The following SNX24 variants were observed in gnomAD, a reference collection of about 807,000 sequenced individuals.
The protein encoded by SNX24 is sorting nexin-24.
Under a neutral mutation model 28.7 loss-of-function variants are expected in SNX24, and 22 were observed. The observed-to-expected ratio is 0.77, with a 90% CI of 0.55 to 1.10. SNX24 has a LOEUF of 1.10. Among genes scored for constraint, SNX24 ranks in the 50% least tolerant of loss-of-function variants. SNX24 has a pLI of 0.00. For missense variants in SNX24, 221 were observed against 201.1 expected, an observed-to-expected ratio of 1.10 and a Z score of -0.60; for synonymous variants, 69 against 71.5, an observed-to-expected ratio of 0.96 and a Z score of 0.18.
intron 1 of SNX24, among the ~76,000 whole-genome samples, chr5:122,926,802 C>A: frequency 6.6e-6 from 1 of 152,164 alleles, no homozygotes; most frequent in South Asian, 2.1e-4. Flanking sequence ...GTGTGCTCAT[C>A]AGGCCTCATC....
chr5:122,961,596 G>A (rs887752706), intron 3 of SNX24, among the ~76,000 whole-genome samples: 40 of 152,112 alleles, frequency 2.6e-4, no homozygotes, highest in Admixed American at 8.5e-4. Context: ...TCAATGTAAC[G>A]GGGGCAGATT....
At chr5:122,985,783 C>T (rs1034541877) in intron 3 of SNX24, among the ~76,000 whole-genome samples, 6 of 152,162 alleles carry the variant, frequency 3.9e-5, no homozygotes, top group African/African-American at 1.2e-4. Context: ...TTATACTAAG[C>T]CAAAGTTCGC....
At chr5:122,978,612 T>G (rs1761263216) in intron 3 of SNX24, among the ~76,000 whole-genome samples, 1 of 152,218 alleles carries the variant, frequency 6.6e-6, no homozygotes, top group Admixed American at 6.5e-5. Context: ...TACAGTAGCA[T>G]CTGTGAGATG....
intron 4 of SNX24, among the ~76,000 whole-genome samples, 180 bp from the exon 5 acceptor site, chr5:123,001,225 C>T (rs1478726111): frequency 6.6e-6 from 1 of 152,228 alleles, no homozygotes; most frequent in African/African-American, 2.4e-5. Flanking sequence ...ATATTCCAGT[C>T]TTCAGATTCC....
intron 6 of SNX24, among the ~76,000 whole-genome samples, chr5:123,005,398 C>G (rs1309772664): frequency 6.6e-6 from 1 of 152,172 alleles, no homozygotes; most frequent in Admixed American, 6.5e-5. Context: ...CAAATGGCAC[C>G]ATCACTCAAA....
intron 5 of SNX24, chr5:123,023,719 C>T (rs41471149): frequency 0.021 from 25,258 of 1,181,066 alleles, 342 homozygotes; most frequent in South Asian, 0.025. Context: ...TAAAGGGTGA[C>T]GGTTTGATTT....
chr5:122,876,580 G>T (rs1412404601), intron 1 of SNX24, among the ~76,000 whole-genome samples: 1 of 152,178 alleles, frequency 6.6e-6, no homozygotes, highest in African/African-American at 2.4e-5. Flanking sequence ...GAAGTGTTTT[G>T]AGTGTCTGCT....
At chr5:122,980,385 C>T (rs925329684) in intron 3 of SNX24, among the ~76,000 whole-genome samples, 3 of 152,088 alleles carry the variant, frequency 2.0e-5, no homozygotes, top group Non-Finnish European at 4.4e-5. Context: ...TGCTATTTTT[C>T]TTGTTTGTGG....
chr5:122,937,151 C>T (rs1186240667), intron 2 of SNX24, among the ~76,000 whole-genome samples: 1 of 152,174 alleles, frequency 6.6e-6, no homozygotes, highest in Admixed American at 6.5e-5. Flanking sequence ...TCCTTACAGA[C>T]AGGGGAGAAA....
At position 123,007,785 on chromosome 5, in the gene SNX24, T is replaced by G; in HGVS notation, c.*36T>G. Reference sequence around the variant, plus strand: ...TGGCTAAAAGAAGCAGAAGCAAGTTTCGAAGTCACAGTCAAGGAAATCAAT... The same window carrying G: ...TGGCTAAAAGAAGCAGAAGCAAGTTGCGAAGTCACAGTCAAGGAAATCAAT... On this transcript the variant is annotated 3_prime_UTR_variant, in exon 7 of 7. Transcript: ENST00000261369. 6.3e-7 allele frequency: 1 copy of G among 1,581,996 alleles called. No homozygotes were observed.
intron 1 of SNX24, among the ~76,000 whole-genome samples, chr5:122,861,944 CAGGT>C (rs1368749665): frequency 3.3e-5 from 5 of 152,138 alleles, no homozygotes; most frequent in African/African-American, 9.7e-5. Flanking sequence ...GTTACATAGA[CAGGT>C]AGAGCAAAAA....
chr5:122,968,003 A>G (rs1050827009), intron 3 of SNX24, among the ~76,000 whole-genome samples: 2 of 152,232 alleles, frequency 1.3e-5, no homozygotes, highest in African/African-American at 4.8e-5. Context: ...CTTGGAGAGA[A>G]TAATTTGAAC....
intron 3 of SNX24, among the ~76,000 whole-genome samples, chr5:122,956,527 T>G (rs1760225373): frequency 6.6e-6 from 1 of 152,184 alleles, no homozygotes; most frequent in African/African-American, 2.4e-5. Flanking sequence ...TTAGAGATCC[T>G]GCTTTTGATT....
At chr5:122,939,699 G>GGC (rs1205040498) in intron 2 of SNX24, among the ~76,000 whole-genome samples, 1 of 151,910 alleles carries the variant, frequency 6.6e-6, no homozygotes, top group Non-Finnish European at 1.5e-5. Flanking sequence ...ATTATCTAAG[G>GGC]GCAAATTGCT....
At chr5:122,857,507 G>A (rs978421611) in intron 1 of SNX24, among the ~76,000 whole-genome samples, 10 of 151,582 alleles carry the variant, frequency 6.6e-5, no homozygotes, top group Admixed American at 2.0e-4. Flanking sequence ...CTCATCATCC[G>A]GGTACTAAAC....
intron 2 of SNX24, among the ~76,000 whole-genome samples, chr5:122,942,688 G>C (rs1185244010): frequency 6.6e-6 from 1 of 152,206 alleles, no homozygotes; most frequent in East Asian, 1.9e-4. Flanking sequence ...ACTTATCTGC[G>C]TGGATCAGAC....
intron 1 of SNX24, among the ~76,000 whole-genome samples, chr5:122,899,131 C>G (rs906738316): frequency 6.6e-6 from 1 of 152,204 alleles, no homozygotes; most frequent in African/African-American, 2.4e-5. Flanking sequence ...TGTGCCCCAC[C>G]TGAAGAACAC....
chr5:122,890,200 C>T (rs1267488067), intron 1 of SNX24, among the ~76,000 whole-genome samples: 2 of 151,982 alleles, frequency 1.3e-5, no homozygotes, highest in Non-Finnish European at 2.9e-5. Context: ...TGTCTGCCCC[C>T]GACTAATAAT....
chr5:123,019,289 GA>G (rs76674069), intron 5 of SNX24, among the ~76,000 whole-genome samples: 1,544 of 128,052 alleles, frequency 0.012, 21 homozygotes, highest in African/African-American at 0.036. Flanking sequence ...TCTTTAATTT[GA>G]AAAAAAAAAA....
Sources: allele counts gnomAD v4.1 joint callset (sites outside exome capture counted in the v4.1 genomes callset), GRCh38; gene constraint gnomAD v4.1.1; transcripts MANE v1.5; gene names NCBI Gene and HGNC (gene_info 2026-07-23, HGNC 2026-07-21).